CFAP20DC: variants seen among roughly 807,000 people sequenced by gnomAD.
CFAP20DC encodes protein CFAP20DC.
Under a neutral mutation model 101.7 loss-of-function variants are expected in CFAP20DC, and 84 were observed. That is an observed-to-expected ratio of 0.83 (90% CI 0.69 to 0.99). The LOEUF is 0.99. CFAP20DC is among the 50% of genes least tolerant of loss of function. CFAP20DC has a pLI of 0.00. For synonymous variants in CFAP20DC, 359 were observed against 351.2 expected, an observed-to-expected ratio of 1.02 and a Z score of -0.25; for missense variants, 1,007 against 970.3, an observed-to-expected ratio of 1.04 and a Z score of -0.50.
intron 3 of CFAP20DC, chr3:58,727,981 T>C (rs1290032547): frequency 6.6e-6 from 1 of 152,234 alleles, no homozygotes; most frequent in African/African-American, 2.4e-5. Flanking sequence ...TCTGCTCACA[T>C]TTTATTGGCT....
chr3:58,991,938 G>A (rs1466772840), intron 4 of CFAP20DC, among the ~76,000 whole-genome samples: 2 of 152,086 alleles, frequency 1.3e-5, no homozygotes, highest in African/African-American at 4.8e-5. Flanking sequence ...TTTCAAGTAG[G>A]TTCAAAATGT....
At chr3:58,768,306 G>A (rs970003264) in intron 15 of CFAP20DC, among the ~76,000 whole-genome samples, 1 of 152,162 alleles carries the variant, frequency 6.6e-6, no homozygotes, top group Admixed American at 6.5e-5. Context: ...AAGCCACTCT[G>A]AAGAGAGAAT....
chr3:58,946,113 ATTTTTTTTT>A (rs57865077), intron 4 of CFAP20DC, among the ~76,000 whole-genome samples: 1 of 123,826 alleles, frequency 8.1e-6, no homozygotes. Context: ...AACTGCCCCA[ATTTTTTTTT>A]TTTTTTTTTT....
rs1332349237 is a variant in CFAP20DC, at chr3:58,956,036, G to C, written c.279-18274C>G. Among the ~76,000 whole-genome samples the C allele has an allele frequency of 6.4e-4, 97 of 151,490 alleles. 2 individuals are homozygous for C. In the South Asian group the frequency reaches 0.02, roughly 31 times the overall value. ...GTCCTTTGGCACTGAATAACCAGCA[G>C]TGATACCAACATACTACACTGAGGG... is the stretch of plus-strand genomic sequence containing the variant. On this transcript the variant is annotated intron_variant, in intron 4 of 16. Coordinates refer to ENST00000482387, the MANE Select transcript of CFAP20DC (RefSeq NM_001394063.1).
Position 58,724,451 on chromosome 3 carries a change from A to G in CFAP20DC, c.198-6823T>C, listed in dbSNP as rs1252756409. 2.0e-5 allele frequency among the ~76,000 whole-genome samples: 3 copies of G among 152,162 alleles called. No homozygotes were observed. The highest frequency in any genetic ancestry group is 4.4e-5 in the Non-Finnish European group (3 of 68,040). Reference sequence around the variant, plus strand: ...TTATCTGTAAACACTGTGTTCAAGGAGAAAGGCACTCCTTTGAAGCACTGG... The same window carrying G: ...TTATCTGTAAACACTGTGTTCAAGGGGAAAGGCACTCCTTTGAAGCACTGG... On this transcript the variant is annotated intron_variant, in intron 3 of 3. Transcript: ENST00000486145. This position sits in a 1 kb window ranked among gnomAD's most constrained non-coding sequence, Gnocchi z 5.6.
Position 58,912,526 on chromosome 3 carries a change from C to T in CFAP20DC, c.550+1182G>A, listed in dbSNP as rs2084257494. On this transcript the variant is annotated intron_variant, in intron 6 of 16. Transcript: ENST00000482387. This position sits in a 1 kb window ranked among gnomAD's most constrained non-coding sequence, Gnocchi z 4.4. The stretch of plus-strand genomic sequence containing the variant: ...TTCTCAGGCACACACCCAGATGGAG[C>T]ACAAATCTGAAGTCTAGATAGAAAC... 3.0e-6 allele frequency: 1 copy of T among 330,030 alleles called. No homozygotes were observed. The highest frequency in any genetic ancestry group is 5.9e-6 in the Non-Finnish European group (1 of 168,274). 20.4% of individuals were successfully genotyped at this position (330,030 alleles called of 1,614,324 possible).
At chr3:58,763,305 C>T (rs9827801) in intron 15 of CFAP20DC, among the ~76,000 whole-genome samples, 18,083 of 147,086 alleles carry the variant, frequency 0.12, 1,931 homozygotes, top group East Asian at 0.36. Flanking sequence ...CCATCACTGA[C>T]ACCCTTTCTT....
At chr3:58,842,366 T>C (rs537294639) in intron 13 of CFAP20DC, among the ~76,000 whole-genome samples, 2,038 of 151,832 alleles carry the variant, frequency 0.013, 37 homozygotes, top group African/African-American at 0.046. Flanking sequence ...GCGCAAGGGG[T>C]CAGGGAGTTC....
chr3:58,793,583 A>G (rs2107647584), intron 15 of CFAP20DC, among the ~76,000 whole-genome samples: 1 of 152,316 alleles, frequency 6.6e-6, no homozygotes, highest in South Asian at 2.1e-4. Context: ...TCACCAAGTT[A>G]AAACACTGAT....
At chr3:58,937,871 G>T in intron 4 of CFAP20DC, 109 bp from the exon 5 acceptor site, 1 of 671,076 alleles carries the variant, frequency 1.5e-6, no homozygotes, top group Non-Finnish European at 2.6e-6. Context: ...TTTTCAACAG[G>T]AAGATCAAAC....
At chr3:58,827,511 T>G (rs767609505) in intron 14 of CFAP20DC, among the ~76,000 whole-genome samples, 8 of 152,114 alleles carry the variant, frequency 5.3e-5, no homozygotes, top group Non-Finnish European at 1.2e-4. Flanking sequence ...GAGGTTATCT[T>G]GCTAAAGGAG....
At chr3:58,885,213 T>C (rs900345753) in intron 6 of CFAP20DC, among the ~76,000 whole-genome samples, 1 of 152,292 alleles carries the variant, frequency 6.6e-6, no homozygotes, top group East Asian at 1.9e-4. Context: ...AGTTTCTTGT[T>C]ACCCTTTACC....
chr3:58,896,196 A>G (rs1365273857), intron 6 of CFAP20DC, among the ~76,000 whole-genome samples: 1 of 152,178 alleles, frequency 6.6e-6, no homozygotes, highest in Non-Finnish European at 1.5e-5. Context: ...TGTTTATACT[A>G]TTCTCTGATG....
chr3:58,813,171 A>C (rs916555381), intron 14 of CFAP20DC, among the ~76,000 whole-genome samples: 5 of 151,932 alleles, frequency 3.3e-5, no homozygotes, highest in African/African-American at 1.2e-4. Flanking sequence ...AATGATGCCA[A>C]TACCTAACAA....
downstream of CFAP20DC, among the ~76,000 whole-genome samples, chr3:58,716,223 G>A (rs572679117): frequency 0.015 from 2,094 of 140,086 alleles, 49 homozygotes; most frequent in African/African-American, 0.054. Flanking sequence ...CTGCAGTGGC[G>A]CAATCTCGGC....
rs1240799706 is a variant in CFAP20DC at position 58,756,320 on chromosome 3, A to G, written c.2238-2457T>C. ...ACCGAAAGTAGCTTCAGAATTCCCA[A>G]GCAAAACAAACAAGAAACACTTACC... On this transcript the variant is annotated intron_variant, in intron 15 of 16. Coordinates refer to ENST00000482387, the MANE Select transcript of CFAP20DC (RefSeq NM_001394063.1). Among the ~76,000 whole-genome samples the G allele has an allele frequency of 2.6e-5, 4 of 152,276 alleles. No individual in the cohort carries two copies. In the East Asian group the frequency reaches 7.7e-4, roughly 29 times the overall value.
intron 5 of CFAP20DC, among the ~76,000 whole-genome samples, chr3:58,935,628 C>T (rs1559854579): frequency 6.6e-6 from 1 of 152,108 alleles, no homozygotes; most frequent in Non-Finnish European, 1.5e-5. Flanking sequence ...CGCATATCTA[C>T]AACTATCTGA....
At chr3:58,946,400 G>A (rs1190212222) in intron 4 of CFAP20DC, among the ~76,000 whole-genome samples, 1 of 152,010 alleles carries the variant, frequency 6.6e-6, no homozygotes, top group African/African-American at 2.4e-5. Flanking sequence ...TACAGCGTGG[G>A]CCACCCAACC....
At chr3:58,807,103 GGCCT>G (rs780446937) in intron 14 of CFAP20DC, among the ~76,000 whole-genome samples, 4 of 152,164 alleles carry the variant, frequency 2.6e-5, no homozygotes, top group African/African-American at 4.8e-5. Flanking sequence ...AACTCAAGGA[GGCCT>G]GCCTGCCTCT....
Sources: allele counts gnomAD v4.1 joint callset (sites outside exome capture counted in the v4.1 genomes callset), GRCh38; gene constraint gnomAD v4.1.1; non-coding constraint Gnocchi (gnomAD v3.1); transcripts MANE v1.5; gene names NCBI Gene and HGNC (gene_info 2026-07-23, HGNC 2026-07-21).